The following LHFPL2 variants were observed in gnomAD, a reference collection of about 807,000 sequenced individuals.
LHFPL2 encodes LHFPL tetraspan subfamily member 2.
A neutral mutation model predicts 17.5 loss-of-function variants in LHFPL2; 7 were observed. The ratio of observed to expected loss-of-function variants is 0.40; its 90% confidence interval spans 0.23 to 0.75. LHFPL2 has a LOEUF of 0.75. LHFPL2 is among the 30% of genes least tolerant of loss of function. LHFPL2 has a pLI of 0.37. For synonymous variants in LHFPL2, 134 were observed against 116.2 expected (o/e 1.15, Z -0.99); for missense variants, 241 against 294.8 (o/e 0.82, Z 1.34).
Position 78,576,249 on chromosome 5 carries a change from C to T in LHFPL2, c.-244-11378G>A, listed in dbSNP as rs1757132715. On this transcript the variant is annotated intron_variant, in intron 2 of 4. Transcript: ENST00000380345. ...GGCGGAGCTTGCAGTGAGCCGAGATCGCGCCACTGCACTCCAGCCTGGGCA... is the reference window on the plus strand; with the variant it reads ...GGCGGAGCTTGCAGTGAGCCGAGATTGCGCCACTGCACTCCAGCCTGGGCA... 1.3e-5 allele frequency among the ~76,000 whole-genome samples: 2 copies of T among 150,822 alleles called. 1 individual carries two copies. The highest frequency in any genetic ancestry group is 3.9e-4 in the East Asian group (2 of 5,148).
At position 78,509,637 on chromosome 5, in the gene LHFPL2, T is replaced by G. The variant is rs982575789; in HGVS notation, c.430+147A>C. 9.0e-6 allele frequency: 7 copies of G among 778,594 alleles called. No individual in the cohort carries two copies. The Admixed American group carries it at 1.7e-4, about 19-fold the overall frequency. The allele number at this position is 778,594 out of a possible 1,614,324, so 48.2% of individuals were successfully genotyped here. On this transcript the variant is annotated intron_variant, in intron 4 of 4. Transcript: ENST00000380345. Reference sequence around the variant, plus strand: ...ATGCGAGCAGCACACAAACGTCGCCTAGAACGGAAGGGGCAAAGGAAACCT... The same window carrying G: ...ATGCGAGCAGCACACAAACGTCGCCGAGAACGGAAGGGGCAAAGGAAACCT...
At chr5:78,561,424 T>C (rs1341524362) in intron 3 of LHFPL2, among the ~76,000 whole-genome samples, 2 of 152,142 alleles carry the variant, frequency 1.3e-5, no homozygotes, top group East Asian at 3.8e-4. Flanking sequence ...AGAATTCCCC[T>C]AGATGGGAAG....
intron 3 of LHFPL2, among the ~76,000 whole-genome samples, chr5:78,529,441 A>C (rs965053520): frequency 2.6e-5 from 4 of 152,204 alleles, no homozygotes; most frequent in African/African-American, 9.7e-5. Context: ...AAAGTATAAC[A>C]CTTTTCCCTG....
chr5:78,620,136 T>C (rs1039896763), intron 2 of LHFPL2, among the ~76,000 whole-genome samples: 3 of 129,886 alleles, frequency 2.3e-5, no homozygotes, highest in Non-Finnish European at 4.8e-5. Context: ...TGTAAAAGTG[T>C]TCCTATTTCT....
At chr5:78,610,924 T>C (rs988973931) in intron 2 of LHFPL2, among the ~76,000 whole-genome samples, 7 of 151,660 alleles carry the variant, frequency 4.6e-5, no homozygotes, top group Non-Finnish European at 7.4e-5. Flanking sequence ...AAAAAAAGCA[T>C]TGCACGGGCA....
intron 3 of LHFPL2, among the ~76,000 whole-genome samples, chr5:78,526,179 C>CA: frequency 6.6e-6 from 1 of 152,236 alleles, no homozygotes; most frequent in East Asian, 1.9e-4. Flanking sequence ...CTTGCCTCCC[C>CA]ACTCCTCCCC....
chr5:78,548,738 C>T (rs546942602), intron 3 of LHFPL2, among the ~76,000 whole-genome samples: 2 of 152,294 alleles, frequency 1.3e-5, no homozygotes, highest in South Asian at 4.1e-4. Flanking sequence ...CAGACTTATG[C>T]TGGATCACGC....
chr5:78,613,479 T>C (rs1744485800), intron 2 of LHFPL2, among the ~76,000 whole-genome samples: 1 of 152,204 alleles, frequency 6.6e-6, no homozygotes. Flanking sequence ...AAGTCACTTA[T>C]ACTGAGCTTC....
intron 4 of LHFPL2, chr5:78,491,268 T>G (rs976602418): frequency 6.6e-6 from 1 of 152,326 alleles, no homozygotes; most frequent in South Asian, 2.1e-4. Context: ...AGAGGGGTGA[T>G]TCACAAGGAA....
chr5:78,506,450 A>T (rs2112315005), intron 4 of LHFPL2, among the ~76,000 whole-genome samples: 1 of 152,316 alleles, frequency 6.6e-6, no homozygotes, highest in East Asian at 1.9e-4. Flanking sequence ...TCCAGGGCTG[A>T]GGGAGAGGGG....
chr5:78,540,815 C>T (rs1756089999), intron 3 of LHFPL2, among the ~76,000 whole-genome samples: 1 of 152,194 alleles, frequency 6.6e-6, no homozygotes, highest in African/African-American at 2.4e-5. Context: ...GAATGAGCTG[C>T]TTGTCTGAAT....
chr5:78,567,129 C>G (rs887446930), intron 2 of LHFPL2, among the ~76,000 whole-genome samples: 3 of 152,122 alleles, frequency 2.0e-5, no homozygotes, highest in African/African-American at 7.2e-5. Context: ...GAATTGTATC[C>G]CAGTTCCCAC....
At chr5:78,566,328 C>T (rs1756858457) in intron 2 of LHFPL2, among the ~76,000 whole-genome samples, 1 of 152,170 alleles carries the variant, frequency 6.6e-6, no homozygotes, top group South Asian at 2.1e-4. Flanking sequence ...GCACAAAGGC[C>T]ACTATCTAAA....
intron 3 of LHFPL2, among the ~76,000 whole-genome samples, chr5:78,525,922 G>A (rs894170905): frequency 5.3e-5 from 8 of 151,986 alleles, no homozygotes; most frequent in African/African-American, 1.9e-4. Context: ...GTGTGAGCAC[G>A]GTAGATAGAG....
At chr5:78,545,196 C>T (rs1363222043) in intron 3 of LHFPL2, among the ~76,000 whole-genome samples, 4 of 152,208 alleles carry the variant, frequency 2.6e-5, no homozygotes, top group Non-Finnish European at 4.4e-5. Flanking sequence ...AGCTCCAATA[C>T]GATCTGCAGG....
Position 78,630,584 on chromosome 5 carries a change from T to G in LHFPL2, c.-245+1680A>C, listed in dbSNP as rs1214005877. Among the ~76,000 whole-genome samples the G allele has an allele frequency of 2.0e-5, 3 of 151,886 alleles. No individual in the cohort carries two copies. The East Asian group carries it at 5.8e-4, about 29-fold the overall frequency. On this transcript the variant is annotated intron_variant, in intron 2 of 4. Coordinates refer to ENST00000380345, the MANE Select transcript of LHFPL2 (RefSeq NM_005779.3). ...GTCAAGGTTCCTTTACTGCCTTGTCTTTCATTCAATTCTCCTTCAGGAAGC... is the reference window on the plus strand; with the variant it reads ...GTCAAGGTTCCTTTACTGCCTTGTCGTTCATTCAATTCTCCTTCAGGAAGC...
In LHFPL2 at chr5:78,558,315, C is replaced by T. The variant is rs369595689; in HGVS notation, c.-186+6498G>A. The stretch of plus-strand genomic sequence containing the variant: ...CAGTGTACGCTCATTCATCTGAGTT[C>T]AATTAAACCACCTTCCTTTCTGGGA... On this transcript the variant is annotated intron_variant, in intron 3 of 4. Transcript: ENST00000380345. Among the ~76,000 whole-genome samples, 6 of 152,336 alleles carry T rather than the reference C, an allele frequency of 3.9e-5. 1 individual carries two copies. The East Asian group carries it at 7.7e-4, about 20-fold the overall frequency.
chr5:78,582,212 T>C (rs1177478905), intron 2 of LHFPL2, among the ~76,000 whole-genome samples: 1 of 152,230 alleles, frequency 6.6e-6, no homozygotes, highest in Non-Finnish European at 1.5e-5. Flanking sequence ...GTTTATCAAT[T>C]TTGTTGATCC....
At chr5:78,544,075 C>G (rs1561331637) in intron 3 of LHFPL2, among the ~76,000 whole-genome samples, 1 of 152,310 alleles carries the variant, frequency 6.6e-6, no homozygotes, top group South Asian at 2.1e-4. Flanking sequence ...TCACTGACCA[C>G]CCACCAGTGC....
Sources: gnomAD v4.1 joint callset for allele counts (sites outside exome capture counted in the v4.1 genomes callset) on GRCh38, gnomAD v4.1.1 for gene constraint, MANE v1.5 for transcripts, NCBI Gene and HGNC (gene_info 2026-07-23, HGNC 2026-07-21) for gene names.